Variants in REDIC1 observed in about 807,000 individuals in gnomAD.
The protein encoded by REDIC1 is regulator of DNA class I crossover intermediates 1.
chr12:39,827,940 A>G, the REDIC1 span, among the ~76,000 whole-genome samples: 3 of 151,980 alleles, frequency 2.0e-5, no homozygotes, highest in African/African-American at 2.4e-5. Flanking sequence ...TTGCCTCAAC[A>G]CTCGACCTTG....
chr12:39,689,757 G>T, the REDIC1 span, among the ~76,000 whole-genome samples: 1 of 152,148 alleles, frequency 6.6e-6, no homozygotes, highest in Non-Finnish European at 1.5e-5. Context: ...AGTGATGGAA[G>T]CTGTCCTGTT....
chr12:39,839,595 A>T, the REDIC1 span, among the ~76,000 whole-genome samples: 1 of 151,908 alleles, frequency 6.6e-6, no homozygotes, highest in Non-Finnish European at 1.5e-5. Flanking sequence ...CAATGTTCTC[A>T]TCCCTTGTGC....
the REDIC1 span, chr12:39,720,805 C>A: frequency 1.2e-6 from 2 of 1,609,712 alleles, no homozygotes; most frequent in South Asian, 2.2e-5. Flanking sequence ...AGATGAAGAT[C>A]AAATATCACA....
the REDIC1 span, chr12:39,759,760 T>A: frequency 2.6e-6 from 1 of 390,196 alleles, no homozygotes. Context: ...ATATTCATTT[T>A]AGACTATTTC....
At chr12:39,866,751 T>C in the REDIC1 span, among the ~76,000 whole-genome samples, 11 of 152,180 alleles carry the variant, frequency 7.2e-5, no homozygotes, top group African/African-American at 2.7e-4. Flanking sequence ...AGTGCTGGGA[T>C]TACAGGCGTG....
chr12:39,667,590 G>A, the REDIC1 span, among the ~76,000 whole-genome samples: 1 of 152,134 alleles, frequency 6.6e-6, no homozygotes, highest in Non-Finnish European at 1.5e-5. Context: ...GGTCTGCTTG[G>A]TGCAGAGCTG....
chr12:39,711,673 ATG>A, the REDIC1 span, among the ~76,000 whole-genome samples: 406 of 135,590 alleles, frequency 3.0e-3, 7 homozygotes, highest in Middle Eastern at 0.023. Flanking sequence ...ATACACATGT[ATG>A]TGTGTATGCA....
At chr12:39,646,759 C>A in the REDIC1 span, 1 of 909,780 alleles carries the variant, frequency 1.1e-6, no homozygotes. Flanking sequence ...TTGTGTAGAA[C>A]AGTATGAATT....
At chr12:39,643,306 C>T in the REDIC1 span, among the ~76,000 whole-genome samples, 1 of 151,220 alleles carries the variant, frequency 6.6e-6, no homozygotes, top group Admixed American at 6.6e-5. Flanking sequence ...AACAAATAAA[C>T]GAAATTGGCT....
At chr12:39,727,003 A>T in the REDIC1 span, among the ~76,000 whole-genome samples, 1 of 151,702 alleles carries the variant, frequency 6.6e-6, no homozygotes, top group Non-Finnish European at 1.5e-5. Flanking sequence ...CCACTTTTTG[A>T]TGGGGTTGTT....
the REDIC1 span, chr12:39,829,998 GC>G: frequency 7.3e-7 from 1 of 1,372,518 alleles, no homozygotes; most frequent in Non-Finnish European, 1.0e-6. Context: ...AGTTATGAAG[GC>G]CAGTTTAAAA....
chr12:39,854,238 T>C, the REDIC1 span, among the ~76,000 whole-genome samples: 36 of 152,062 alleles, frequency 2.4e-4, no homozygotes, highest in South Asian at 2.1e-4. Context: ...ATCTGTAAAA[T>C]TGGATAATAA....
At chr12:39,662,776 C>T in the REDIC1 span, among the ~76,000 whole-genome samples, 1 of 151,850 alleles carries the variant, frequency 6.6e-6, no homozygotes, top group Non-Finnish European at 1.5e-5. Context: ...CATAGATGAC[C>T]TTTATTATAT....
the REDIC1 span, among the ~76,000 whole-genome samples, chr12:39,672,151 G>T: frequency 6.6e-6 from 1 of 152,164 alleles, no homozygotes; most frequent in Non-Finnish European, 1.5e-5. Context: ...TGCATCAGGG[G>T]TGGCTGATGG....
At chr12:39,890,331 T>C in the REDIC1 span, among the ~76,000 whole-genome samples, 3 of 152,264 alleles carry the variant, frequency 2.0e-5, 1 homozygote, top group South Asian at 6.2e-4. Flanking sequence ...TGAAAAAAAA[T>C]ACATTGTGGC....
the REDIC1 span, among the ~76,000 whole-genome samples, chr12:39,794,123 C>CAAAA: frequency 1.3e-5 from 1 of 78,372 alleles, no homozygotes; most frequent in African/African-American, 5.1e-5. Context: ...GGCCAAATTG[C>CAAAA]AAAAAAAAAA....
At chr12:39,878,480 T>C in the REDIC1 span, among the ~76,000 whole-genome samples, 1 of 152,316 alleles carries the variant, frequency 6.6e-6, no homozygotes, top group African/African-American at 2.4e-5. Context: ...TCATGTGTAT[T>C]ATGCCTTAGC....
At chr12:39,742,092 T>C in the REDIC1 span, among the ~76,000 whole-genome samples, 1 of 152,168 alleles carries the variant, frequency 6.6e-6, no homozygotes, top group Admixed American at 6.5e-5. Context: ...CAACATCCCT[T>C]ACCGTCATGG....
At chr12:39,826,535 T>A in the REDIC1 span, among the ~76,000 whole-genome samples, 1 of 151,452 alleles carries the variant, frequency 6.6e-6, no homozygotes, top group Non-Finnish European at 1.5e-5. Flanking sequence ...TTTAAGAGTT[T>A]ACTCTTATAC....
Sources: allele counts gnomAD v4.1 joint callset (sites outside exome capture counted in the v4.1 genomes callset), GRCh38; gene constraint gnomAD v4.1.1; transcripts MANE v1.5; gene names NCBI Gene and HGNC (gene_info 2026-07-23, HGNC 2026-07-21).